Variants in SPAG6 observed in about 807,000 individuals in gnomAD.
SPAG6 encodes the protein sperm-associated antigen 6.
A neutral mutation model predicts 58.5 loss-of-function variants in SPAG6; 49 were observed. That is an observed-to-expected ratio of 0.84 (90% CI 0.67 to 1.06). The LOEUF (loss-of-function observed/expected upper bound fraction) is 1.06. Among genes scored for constraint, SPAG6 ranks in the 50% least tolerant of loss-of-function variants. The pLI is 0.00. For missense variants in SPAG6, 560 were observed against 611.3 expected (o/e 0.92, Z 0.89); for synonymous variants, 233 against 225.6 (o/e 1.03, Z -0.29).
At chr10:22,354,567 T>A (rs1030965158) in intron 2 of SPAG6, among the ~76,000 whole-genome samples, 2 of 152,216 alleles carry the variant, frequency 1.3e-5, no homozygotes, top group African/African-American at 4.8e-5. Context: ...TAAAAGCCCA[T>A]TTTATATTTC....
chr10:22,398,841 C>T (rs1239462679), intron 8 of SPAG6, among the ~76,000 whole-genome samples: 1 of 151,394 alleles, frequency 6.6e-6, no homozygotes, highest in East Asian at 1.9e-4. Context: ...TTTTTTGAGA[C>T]AGAGTCTCAC....
intron 8 of SPAG6, among the ~76,000 whole-genome samples, chr10:22,393,979 T>G (rs1277654351): frequency 2.0e-5 from 3 of 152,224 alleles, no homozygotes; most frequent in Non-Finnish European, 4.4e-5. Flanking sequence ...GTAAGCATTC[T>G]CTAATTGGTT....
rs1197904438 is a variant in SPAG6, at chr10:22,411,085, A to G, written c.1369A>G (p.Lys457Glu). ...ACTTTTTGTAACAAGTGGTGGCCTT[A>G]AAAAAGTTCAAGAGATAAAAGCAGA... ...RRLFVTSGGL[K>E]KVQEIKAEPG... Residue 457 changes from lysine to glutamate, a missense_variant, in exon 10 of 11, where the codon AAA becomes GAA. Transcript: ENST00000376624. The G allele has an allele frequency of 6.2e-7, 1 of 1,613,912 alleles. No individual in the cohort carries two copies. The highest frequency in any genetic ancestry group is 8.5e-7 in the Non-Finnish European group (1 of 1,179,902).
At chr10:22,364,568 T>C (rs990518212) in intron 2 of SPAG6, among the ~76,000 whole-genome samples, 1 of 152,214 alleles carries the variant, frequency 6.6e-6, no homozygotes, top group African/African-American at 2.4e-5. Context: ...GCCTCATAAT[T>C]AACCCTATCA....
chr10:22,391,641 G>A, intron 7 of SPAG6, 88 bp from the exon 8 acceptor site: 1 of 1,202,974 alleles, frequency 8.3e-7, no homozygotes, highest in South Asian at 1.4e-5. Flanking sequence ...CAAGGCCGAA[G>A]TGATTTCTTC....
chr10:22,416,830 T>C lies in SPAG6; in HGVS notation c.*142T>C. On this transcript the variant is annotated 3_prime_UTR_variant, in exon 11 of 11. Transcript: ENST00000376624. ...TTAGATAATATTTTCTAAATTTATG[T>C]AATACTTTAAACATTCGTAGCTTGA... 1 of 519,418 alleles carries C rather than the reference T, an allele frequency of 1.9e-6. No individual in the cohort carries two copies. Among genetic ancestry groups the C allele is most frequent in the Non-Finnish European group, 3.5e-6 (1 of 287,368 alleles). The allele number at this position is 519,418 out of a possible 1,614,324, so 32.2% of individuals were successfully genotyped here. A position where few individuals can be genotyped will look rare whatever the true frequency, so the allele number is the denominator to read the frequency against.
chr10:22,397,794 A>G (rs1011522282), intron 8 of SPAG6, among the ~76,000 whole-genome samples: 3 of 152,206 alleles, frequency 2.0e-5, no homozygotes, highest in Admixed American at 6.5e-5. Flanking sequence ...TTCCATGTTC[A>G]TGGACTGGAA....
intron 4 of SPAG6, among the ~76,000 whole-genome samples, chr10:22,382,618 GAT>G: frequency 6.6e-6 from 1 of 152,280 alleles, no homozygotes; most frequent in Non-Finnish European, 1.5e-5. Context: ...ATAGAGGCAG[GAT>G]GAAGTAGCCT....
chr10:22,384,359 G>A (rs1834021617), intron 4 of SPAG6, among the ~76,000 whole-genome samples: 2 of 152,090 alleles, frequency 1.3e-5, no homozygotes, highest in South Asian at 4.1e-4. Context: ...GATGGCTATC[G>A]GGTAGACACC....
intron 9 of SPAG6, among the ~76,000 whole-genome samples, chr10:22,408,696 TA>T: frequency 6.6e-6 from 1 of 152,358 alleles, no homozygotes; most frequent in South Asian, 2.1e-4. Flanking sequence ...TTTGTTTACC[TA>T]AGCAAGCCTG....
intron 4 of SPAG6, among the ~76,000 whole-genome samples, chr10:22,377,628 T>C (rs1022544229): frequency 1.3e-5 from 2 of 152,202 alleles, no homozygotes; most frequent in African/African-American, 4.8e-5. Flanking sequence ...TCCTCAGGAA[T>C]AAAAGTAGCC....
chr10:22,392,271 A>G (rs374945514), intron 8 of SPAG6, among the ~76,000 whole-genome samples: 3 of 152,320 alleles, frequency 2.0e-5, no homozygotes, highest in East Asian at 3.9e-4. Context: ...AGTGAAATCC[A>G]AAAGAATTTA....
At chr10:22,370,205 C>A (rs1343719388) in intron 4 of SPAG6, among the ~76,000 whole-genome samples, 1 of 152,040 alleles carries the variant, frequency 6.6e-6, no homozygotes, top group East Asian at 1.9e-4. Flanking sequence ...TGTTTGTATT[C>A]CTAAGGTGGT....
chr10:22,376,076 C>A (rs1293808467), intron 4 of SPAG6, among the ~76,000 whole-genome samples: 1 of 151,982 alleles, frequency 6.6e-6, no homozygotes, highest in Non-Finnish European at 1.5e-5. Context: ...TATTTTATTG[C>A]CATTTAATTA....
At chr10:22,366,442 A>T (rs565716087) in intron 3 of SPAG6, among the ~76,000 whole-genome samples, 1 of 152,260 alleles carries the variant, frequency 6.6e-6, no homozygotes, top group South Asian at 2.1e-4. Flanking sequence ...ATTTGTAAGA[A>T]GTTTCTTGTT....
chr10:22,355,717 A>T (rs1267558954), intron 2 of SPAG6, among the ~76,000 whole-genome samples: 9 of 152,238 alleles, frequency 5.9e-5, no homozygotes, highest in Non-Finnish European at 1.2e-4. Flanking sequence ...CAAGGCAAAC[A>T]GATATGTGAT....
intron 2 of SPAG6, among the ~76,000 whole-genome samples, chr10:22,353,591 A>G (rs1181921812): frequency 6.6e-6 from 1 of 152,238 alleles, no homozygotes; most frequent in Non-Finnish European, 1.5e-5. Flanking sequence ...GAAAAGAGAG[A>G]AAATTGCACA....
intron 2 of SPAG6, among the ~76,000 whole-genome samples, chr10:22,354,014 G>T (rs992311254): frequency 3.9e-5 from 6 of 152,208 alleles, no homozygotes; most frequent in Non-Finnish European, 7.3e-5. Flanking sequence ...AGGAGAGTCA[G>T]TCATGGTTGG....
In SPAG6 at chr10:22,416,902, C is replaced by A; in HGVS notation, c.*214C>A. 2.6e-6 allele frequency: 1 copy of A among 383,970 alleles called. No homozygotes were observed. The highest frequency in any genetic ancestry group is 4.0e-5 in the East Asian group (1 of 24,960). 23.8% of individuals were successfully genotyped at this position (383,970 alleles called of 1,614,324 possible). The stretch of plus-strand genomic sequence containing the variant: ...GTCATTCGCATGCATAGGATTTGTT[C>A]TACAGGTAGATTTTAAAAACACGTT... On this transcript the variant is annotated 3_prime_UTR_variant, in exon 11 of 11. Coordinates refer to ENST00000376624, the MANE Select transcript of SPAG6 (RefSeq NM_012443.4).
Sources: allele counts gnomAD v4.1 joint callset (sites outside exome capture counted in the v4.1 genomes callset), GRCh38; gene constraint gnomAD v4.1.1; transcripts MANE v1.5; gene names NCBI Gene and HGNC (gene_info 2026-07-23, HGNC 2026-07-21).